CTNNA2: variants seen among roughly 807,000 people sequenced by gnomAD.
CTNNA2 encodes catenin alpha 2.
Under a neutral mutation model 101.0 loss-of-function variants are expected in CTNNA2, and 42 were observed. That is an observed-to-expected ratio of 0.42 (90% CI 0.32 to 0.54). The LOEUF (loss-of-function observed/expected upper bound fraction) is 0.54. CTNNA2 is among the 20% of genes least tolerant of loss of function. The pLI is 0.14. For synonymous variants in CTNNA2, 450 were observed against 456.4 expected, an observed-to-expected ratio of 0.99 and a Z score of 0.18; for missense variants, 871 against 1,223.1, an observed-to-expected ratio of 0.71 and a Z score of 4.29.
chr2:80,129,804 G>A (rs367776790), intron 7 of CTNNA2, among the ~76,000 whole-genome samples: 44 of 152,164 alleles, frequency 2.9e-4, no homozygotes, highest in African/African-American at 8.4e-4. Context: ...AACCTGGATC[G>A]GCCTGGTCAC....
chr2:79,535,504 C>T (rs1165927308), intron 1 of CTNNA2, among the ~76,000 whole-genome samples: 4 of 151,992 alleles, frequency 2.6e-5, no homozygotes, highest in Non-Finnish European at 5.9e-5. Context: ...GCACCCGGCC[C>T]ATATTTTGCT....
intron 18 of CTNNA2, among the ~76,000 whole-genome samples, chr2:80,629,248 C>CA (rs1672023144): frequency 1.3e-5 from 2 of 152,138 alleles, no homozygotes; most frequent in South Asian, 4.1e-4. Context: ...ACCAACGAAT[C>CA]AAGGTCTCTG....
intron 7 of CTNNA2, among the ~76,000 whole-genome samples, chr2:80,158,655 A>T (rs190635938): frequency 9.2e-5 from 14 of 152,294 alleles, no homozygotes; most frequent in Non-Finnish European, 1.8e-4. Flanking sequence ...TACGCCTGTA[A>T]TCCCAATACT....
intron 1 of CTNNA2, among the ~76,000 whole-genome samples, chr2:79,599,611 T>G (rs1278735003): frequency 6.6e-6 from 1 of 152,166 alleles, no homozygotes; most frequent in Non-Finnish European, 1.5e-5. Context: ...TCAGCATTCT[T>G]TAATAAAATT....
intron 2 of CTNNA2, among the ~76,000 whole-genome samples, chr2:79,722,210 G>A (rs1214280788): frequency 6.6e-6 from 1 of 152,110 alleles, no homozygotes; most frequent in African/African-American, 2.4e-5. Context: ...ACATAGGCAT[G>A]GGCTCATCAT....
At chr2:79,564,945 T>C (rs763163225) in intron 1 of CTNNA2, among the ~76,000 whole-genome samples, 2 of 152,186 alleles carry the variant, frequency 1.3e-5, no homozygotes, top group Non-Finnish European at 2.9e-5. Context: ...GTTCTGTTTA[T>C]TTTCTGCCTC....
intron 1 of CTNNA2, among the ~76,000 whole-genome samples, chr2:79,636,275 A>T (rs1053946735): frequency 4.9e-5 from 7 of 144,006 alleles, no homozygotes; most frequent in African/African-American, 1.8e-4. Flanking sequence ...GTCTCAAAAA[A>T]AAAAAAAAAA....
intron 7 of CTNNA2, among the ~76,000 whole-genome samples, chr2:79,961,363 A>G (rs1004975137): frequency 6.6e-6 from 1 of 152,166 alleles, no homozygotes; most frequent in Non-Finnish European, 1.5e-5. Context: ...TCTATCACCC[A>G]GTGCTTGAGG....
At chr2:80,299,326 G>A (rs1676036932) in intron 7 of CTNNA2, 1 of 152,112 alleles carries the variant, frequency 6.6e-6, no homozygotes, top group Non-Finnish European at 1.5e-5. Flanking sequence ...CAAAACCTTA[G>A]TTAAAACTAC....
intron 3 of CTNNA2, among the ~76,000 whole-genome samples, chr2:79,776,386 CTCT>C (rs1429839329): frequency 4.6e-5 from 7 of 152,120 alleles, no homozygotes; most frequent in African/African-American, 1.7e-4. Context: ...GATACAAAAT[CTCT>C]TCATGATAAC....
At chr2:80,535,693 C>T (rs1487114830) in intron 9 of CTNNA2, among the ~76,000 whole-genome samples, 1 of 152,142 alleles carries the variant, frequency 6.6e-6, no homozygotes. Context: ...ATTCCACTTC[C>T]TCCTGTCCCC....
intron 15 of CTNNA2, among the ~76,000 whole-genome samples, chr2:80,600,930 C>G (rs1697440045): frequency 6.6e-6 from 1 of 152,112 alleles, no homozygotes; most frequent in African/African-American, 2.4e-5. Context: ...CCTTCATAAA[C>G]CTTTTCTAAG....
intron 9 of CTNNA2, among the ~76,000 whole-genome samples, chr2:80,424,145 G>A (rs982049464): frequency 2.6e-5 from 4 of 152,078 alleles, no homozygotes; most frequent in Non-Finnish European, 5.9e-5. Context: ...TAGTAGAGAC[G>A]GGGTTTCACT....
At chr2:80,392,154 A>G (rs1020734156) in intron 7 of CTNNA2, among the ~76,000 whole-genome samples, 1 of 152,188 alleles carries the variant, frequency 6.6e-6, no homozygotes, top group Non-Finnish European at 1.5e-5. Context: ...GGTAATTTTT[A>G]TGCATTGCCA....
At chr2:80,304,340 G>A (rs1180219848) in intron 7 of CTNNA2, 1 of 152,928 alleles carries the variant, frequency 6.5e-6, no homozygotes, top group Non-Finnish European at 1.5e-5. Flanking sequence ...GCAAGGCGGG[G>A]AGGCGACTTC....
intron 14 of CTNNA2, among the ~76,000 whole-genome samples, chr2:80,584,780 A>G (rs1044191468): frequency 6.6e-6 from 1 of 152,196 alleles, no homozygotes; most frequent in African/African-American, 2.4e-5. Context: ...AGGATTTATC[A>G]TATAAATATG....
At chr2:80,492,354 C>A (rs1365869919) in intron 9 of CTNNA2, among the ~76,000 whole-genome samples, 1 of 149,770 alleles carries the variant, frequency 6.7e-6, no homozygotes, top group Non-Finnish European at 1.5e-5. Flanking sequence ...GCCAATTCAA[C>A]CTCTTTTCTG....
chr2:79,746,892 T>C (rs1003743507), intron 3 of CTNNA2, among the ~76,000 whole-genome samples: 1 of 152,196 alleles, frequency 6.6e-6, no homozygotes, highest in Non-Finnish European at 1.5e-5. Flanking sequence ...GACCAGACCA[T>C]GTCTCTTTTG....
chr2:80,139,345 A>T (rs1350379860), intron 7 of CTNNA2, among the ~76,000 whole-genome samples: 2 of 152,274 alleles, frequency 1.3e-5, no homozygotes, highest in East Asian at 3.9e-4. Context: ...GCTTTTAATT[A>T]TACAATATCT....
Sources: allele counts gnomAD v4.1 joint callset (sites outside exome capture counted in the v4.1 genomes callset), GRCh38; gene constraint gnomAD v4.1.1; transcripts MANE v1.5; gene names NCBI Gene and HGNC (gene_info 2026-07-23, HGNC 2026-07-21).